MMP26: variants seen among roughly 807,000 people sequenced by gnomAD.
The protein encoded by MMP26 is matrix metalloproteinase-26.
In MMP26, 33 loss-of-function variants were observed where a neutral mutation model predicts 31.0. The observed-to-expected ratio is 1.06, with a 90% CI of 0.81 to 1.42. MMP26 has a LOEUF of 1.42. Ranked by LOEUF, MMP26 falls within the 40% of genes most tolerant of loss-of-function variation. MMP26 has a pLI of 0.00. For synonymous variants in MMP26, 122 were observed against 114.9 expected, an observed-to-expected ratio of 1.06 and a Z score of -0.40; for missense variants, 347 against 316.1, an observed-to-expected ratio of 1.10 and a Z score of -0.74.
At chr11:4,882,686 G>T (rs1850492153) in intron 2 of MMP26, 1 of 1,613,856 alleles carries the variant, frequency 6.2e-7, no homozygotes, top group Non-Finnish European at 8.5e-7. Context: ...CCTCTCTTTG[G>T]CACACCGCCT....
In MMP26 at chr11:4,806,546, T is replaced by C. The variant is rs1030439516; in HGVS notation, c.-145+39205T>C. 4.1e-4 allele frequency among the ~76,000 whole-genome samples: 62 copies of C among 152,174 alleles called. 1 individual carries two copies. The highest frequency in any genetic ancestry group is 1.4e-3 in the African/African-American group (59 of 41,444). ...TTTATCAGAGACTAGGATTGCAATC[T>C]CTGCCTTTTTTGGTTTTCCATTTGC... On this transcript the variant is annotated intron_variant, in intron 2 of 7. Transcript: ENST00000380390.
chr11:4,712,760 T>C (rs1784683899), intron 1 of MMP26, among the ~76,000 whole-genome samples: 2 of 152,152 alleles, frequency 1.3e-5, no homozygotes, highest in South Asian at 4.1e-4. Flanking sequence ...ATATTTATTT[T>C]CTCTCTTTAT....
intron 2 of MMP26, chr11:4,914,562 C>G (rs939562114): frequency 4.6e-5 from 28 of 602,928 alleles, no homozygotes; most frequent in Non-Finnish European, 8.2e-5. Flanking sequence ...CTGCCCTGGC[C>G]ACAACAGAGT....
At chr11:4,987,695 G>A (rs1846926005) in intron 2 of MMP26, among the ~76,000 whole-genome samples, 1 of 152,060 alleles carries the variant, frequency 6.6e-6, no homozygotes, top group Non-Finnish European at 1.5e-5. Context: ...GGGATTACAG[G>A]CGTGAGCCAT....
At chr11:4,723,971 CTG>C in intron 1 of MMP26, 1 of 751,454 alleles carries the variant, frequency 1.3e-6, no homozygotes, top group Admixed American at 1.8e-5. Context: ...TTCTGGTTGA[CTG>C]TGTCAGTGGT....
intron 2 of MMP26, among the ~76,000 whole-genome samples, chr11:4,978,039 A>G (rs1264750324): frequency 6.6e-6 from 1 of 151,966 alleles, no homozygotes; most frequent in Non-Finnish European, 1.5e-5. Context: ...GTGAGTTCTC[A>G]TGAGATCTCA....
intron 2 of MMP26, among the ~76,000 whole-genome samples, chr11:4,934,193 G>C (rs925097055): frequency 6.8e-6 from 1 of 146,634 alleles, no homozygotes; most frequent in Non-Finnish European, 1.5e-5. Context: ...CCCACCAACA[G>C]TGTAAAAGTG....
intron 2 of MMP26, among the ~76,000 whole-genome samples, chr11:4,872,900 T>C (rs953605381): frequency 6.6e-6 from 1 of 152,078 alleles, no homozygotes; most frequent in Non-Finnish European, 1.5e-5. Context: ...AGCTAGCCAG[T>C]TGAAGAGACA....
At chr11:4,782,072 T>C (rs1276146914) in intron 2 of MMP26, among the ~76,000 whole-genome samples, 1 of 152,136 alleles carries the variant, frequency 6.6e-6, no homozygotes, top group East Asian at 1.9e-4. Flanking sequence ...ATGCAGTAAA[T>C]TGGTACCAGT....
At chr11:4,936,700 G>C (rs1164257521) in intron 2 of MMP26, among the ~76,000 whole-genome samples, 1 of 152,084 alleles carries the variant, frequency 6.6e-6, no homozygotes, top group Admixed American at 6.6e-5. Context: ...AATAGCCAGA[G>C]CTAAGAATGT....
At chr11:4,982,288 A>G (rs939258215) in intron 2 of MMP26, among the ~76,000 whole-genome samples, 1 of 152,044 alleles carries the variant, frequency 6.6e-6, no homozygotes, top group Non-Finnish European at 1.5e-5. Flanking sequence ...CAGTTTCTTT[A>G]TATCAGCATT....
chr11:4,959,024 G>A (rs1455103420), intron 2 of MMP26, among the ~76,000 whole-genome samples: 1 of 151,966 alleles, frequency 6.6e-6, no homozygotes, highest in Non-Finnish European at 1.5e-5. Flanking sequence ...AGATCATGAG[G>A]TCATGAGATC....
intron 1 of MMP26, among the ~76,000 whole-genome samples, chr11:4,716,237 G>A (rs1007672218): frequency 1.3e-5 from 2 of 152,288 alleles, no homozygotes; most frequent in Non-Finnish European, 2.9e-5. Context: ...TCAACCGTGC[G>A]AGATCCTGAG....
intron 2 of MMP26, chr11:4,943,862 A>C (rs1252068856): frequency 4.4e-6 from 2 of 449,842 alleles, no homozygotes; most frequent in African/African-American, 4.0e-5. Context: ...AAGACTGTCA[A>C]AAACCCCTAA....
intron 2 of MMP26, among the ~76,000 whole-genome samples, chr11:4,840,579 C>T (rs551681134): frequency 1.9e-4 from 29 of 152,176 alleles, no homozygotes; most frequent in East Asian, 1.2e-3. Flanking sequence ...ACCATCAAGG[C>T]GGTACCTCTA....
At chr11:4,949,260 T>C (rs574675558) in intron 2 of MMP26, among the ~76,000 whole-genome samples, 1 of 123,860 alleles carries the variant, frequency 8.1e-6, no homozygotes, top group South Asian at 2.4e-4. Flanking sequence ...AATATGGGTT[T>C]TAGCAATTGT....
chr11:4,778,048 G>A (rs576403934), intron 2 of MMP26, among the ~76,000 whole-genome samples: 5 of 152,142 alleles, frequency 3.3e-5, no homozygotes, highest in Admixed American at 2.0e-4. Flanking sequence ...CACAGAAATC[G>A]TGTATAGCCA....
At chr11:4,975,761 G>T (rs955049567) in intron 2 of MMP26, among the ~76,000 whole-genome samples, 3 of 151,922 alleles carry the variant, frequency 2.0e-5, no homozygotes, top group East Asian at 1.9e-4. Context: ...TGGAGATACG[G>T]TTCCTCTTTT....
chr11:4,987,221 CTG>C (rs908678698), intron 2 of MMP26, among the ~76,000 whole-genome samples: 1 of 151,568 alleles, frequency 6.6e-6, no homozygotes, highest in Admixed American at 6.6e-5. Flanking sequence ...AAATATTTTG[CTG>C]TGAGATATAT....
Sources: gnomAD v4.1 joint callset for allele counts (sites outside exome capture counted in the v4.1 genomes callset) on GRCh38, gnomAD v4.1.1 for gene constraint, MANE v1.5 for transcripts, NCBI Gene and HGNC (gene_info 2026-07-23, HGNC 2026-07-21) for gene names.